Variants in ANKRD65 observed in about 807,000 individuals in gnomAD.
ANKRD65 encodes ankyrin repeat domain 65, also known as ankyrin repeat domain-containing protein 65.
A neutral mutation model predicts 17.2 loss-of-function variants in ANKRD65; 26 were observed. The ratio of observed to expected loss-of-function variants is 1.51; its 90% CI spans 1.11 to 2.09. The LOEUF is 2.09. ANKRD65 is among the 30% of genes most tolerant of loss of function. The probability of loss-of-function intolerance (pLI) is 0.00; values close to 1 mark genes in which losing one functional copy is unlikely to be tolerated. For synonymous variants in ANKRD65, 311 were observed against 272.2 expected (o/e 1.14, Z -1.40); for missense variants, 621 against 542.2 (o/e 1.15, Z -1.44).
Position 1,420,262 on chromosome 1 carries a change from C to T in ANKRD65, c.540G>A (p.Ala180=). ...GCCCGCCCGCGGCCGCCCAGTGCGC[C>T]GCCGTCCAGCCGCGCGCGTCCTCCG... The part of the protein sequence containing the change: ...AEAEDARGWT[A]AHWAAAGGRL... Residue 180 remains alanine, a synonymous_variant, in exon 3 of 4, where the codon GCG becomes GCA. Coordinates refer to ENST00000537107, the MANE Select transcript of ANKRD65 (RefSeq NM_001145210.3). 8 of 1,001,528 alleles carry T rather than the reference C, an allele frequency of 8.0e-6. No individual in the cohort carries two copies. Among genetic ancestry groups the T allele is most frequent in the Non-Finnish European group, 9.5e-6 (8 of 842,842 alleles). The allele number at this position is 1,001,528 out of a possible 1,614,324, so 62.0% of individuals were successfully genotyped here. A position where few individuals can be genotyped will look rare whatever the true frequency, so the allele number is the denominator to read the frequency against.
Position 1,420,417 on chromosome 1 carries a change from G to T in ANKRD65, c.385C>A (p.Arg129Ser). 2 of 1,326,662 alleles carry T rather than the reference G, an allele frequency of 1.5e-6. No homozygotes were observed. Among genetic ancestry groups the T allele is most frequent in the Non-Finnish European group, 1.9e-6 (2 of 1,036,054 alleles). 82.2% of individuals were successfully genotyped at this position (1,326,662 alleles called of 1,614,324 possible). A position where few individuals can be genotyped will look rare whatever the true frequency, so the allele number is the denominator to read the frequency against. The change falls in exon 3 of 4, where the codon CGC becomes AGC. Residue 129 changes from arginine (R) to serine (S), a missense_variant. Physicochemically the swap from Arg to Ser is moderately radical, Grantham distance 110. Coordinates refer to ENST00000537107, the MANE Select transcript of ANKRD65 (RefSeq NM_001145210.3). The stretch of plus-strand genomic sequence containing the variant: ...GAGCGAGCCGCCGCCGAGGCCCCGC[G>T]CTGCAGCAGCAGCTCGGCCACCCGC... ...HSRVAELLLQRGASAAARSGT... is the reference protein window; with the variant it reads ...HSRVAELLLQSGASAAARSGT...
chr1:1,421,010 G>A lies in ANKRD65; in HGVS notation c.1-5C>T. ...CTCAGGCCTCTGGGAGTCCATCTGGGGGGGAGCAGGGATCCTACATCCACT... is the reference window on the plus strand; with the variant it reads ...CTCAGGCCTCTGGGAGTCCATCTGGAGGGGAGCAGGGATCCTACATCCACT... On this transcript the variant is annotated splice_polypyrimidine_tract_variant and splice_region_variant and intron_variant, in intron 1 of 3. Coordinates refer to ENST00000537107, the MANE Select transcript of ANKRD65 (RefSeq NM_001145210.3). 3 of 1,550,236 alleles carry A rather than the reference G, an allele frequency of 1.9e-6. No homozygotes were observed. Among genetic ancestry groups the A allele is most frequent in the African/African-American group, 1.4e-5 (1 of 73,176 alleles).
intron 3 of ANKRD65, among the ~76,000 whole-genome samples, chr1:1,419,757 G>A (rs1327035530): frequency 6.6e-6 from 1 of 152,180 alleles, no homozygotes; most frequent in Admixed American, 6.5e-5. Flanking sequence ...GCAAATCCAA[G>A]GATCTGCAGC....
Position 1,421,039 on chromosome 1 carries a change from G to A in ANKRD65, c.1-34C>T. The stretch of plus-strand genomic sequence containing the variant: ...GAGCAGGGATCCTACATCCACTGTG[G>A]AGGCCTCTGGCCTGCCCCCAGCCGT... On this transcript the variant is annotated intron_variant, in intron 1 of 3. Transcript: ENST00000537107. 1.9e-6 allele frequency: 3 copies of A among 1,544,774 alleles called. No homozygotes were observed. In the East Asian group the frequency reaches 7.3e-5, roughly 38 times the overall value.
chr1:1,418,923 G>A lies in ANKRD65; in HGVS notation c.*177C>T. On this transcript the variant is annotated 3_prime_UTR_variant, in exon 4 of 4. Coordinates refer to ENST00000537107, the MANE Select transcript of ANKRD65 (RefSeq NM_001145210.3). Reference sequence around the variant, plus strand: ...GCAGGGTCAGTGGGCCCTCCTGGGAGCTGGGGGCCATCCCTGGTCCAGCCA... The same window carrying A: ...GCAGGGTCAGTGGGCCCTCCTGGGAACTGGGGGCCATCCCTGGTCCAGCCA... The A allele has an allele frequency of 1.5e-6, 1 of 672,296 alleles. No individual in the cohort carries two copies. Among genetic ancestry groups the A allele is most frequent in the Admixed American group, 3.1e-5 (1 of 32,138 alleles). 41.6% of individuals were successfully genotyped at this position (672,296 alleles called of 1,614,324 possible). A position where few individuals can be genotyped will look rare whatever the true frequency, so the allele number is the denominator to read the frequency against.
At position 1,420,956 on chromosome 1, in the gene ANKRD65, T is replaced by TC. The variant is rs1362019653; in HGVS notation, c.49dup (p.Glu17GlyfsTer21). 6.4e-7 allele frequency: 1 copy of TC among 1,550,704 alleles called. No individual in the cohort carries two copies. The highest frequency in any genetic ancestry group is 2.0e-5 in the Admixed American group (1 of 51,000). On this transcript the variant is annotated frameshift_variant, in exon 2 of 4. Coordinates refer to ENST00000537107, the MANE Select transcript of ANKRD65 (RefSeq NM_001145210.3). LOFTEE classifies it high-confidence loss of function. Reference sequence around the variant, plus strand: ...GGAGTCCAGCTCCATCCACCGCAGTTCCTGTTCCTCCTCCTCCTCCTCTCT... The same window carrying TC: ...GGAGTCCAGCTCCATCCACCGCAGTTCCCTGTTCCTCCTCCTCCTCCTCTCT...
chr1:1,420,669 G>A lies in ANKRD65; in HGVS notation c.210-77C>T, dbSNP rs1164125630. ...CCGCCCTGCCCCACCCCGTCCTGCC[G>A]CCCACCCAGCGCTGGGACCCCCGTC... On this transcript the variant is annotated intron_variant, in intron 2 of 3. Coordinates refer to ENST00000537107, the MANE Select transcript of ANKRD65 (RefSeq NM_001145210.3). 3.0e-5 allele frequency: 18 copies of A among 600,862 alleles called. No homozygotes were observed. The African/African-American group carries it at 3.4e-4, about 11-fold the overall frequency. 37.2% of individuals were successfully genotyped at this position (600,862 alleles called of 1,614,324 possible).
Position 1,420,220 on chromosome 1 carries a change from C to T in ANKRD65, c.582G>A (p.Glu194=), listed in dbSNP as rs1373438527. The T allele has an allele frequency of 1.7e-4, 169 of 992,262 alleles. No homozygotes were observed. The highest frequency in any genetic ancestry group is 2.0e-4 in the Non-Finnish European group (165 of 836,340). 61.5% of individuals were successfully genotyped at this position (992,262 alleles called of 1,614,324 possible). A position where few individuals can be genotyped will look rare whatever the true frequency, so the allele number is the denominator to read the frequency against. ...AAAGGRLAVL[E]LLAAGGAGLD... ...GGCCCGCGCCGCCGGCCGCCAGCAG[C>T]TCCAGCACCGCCAGCCGCCCGCCCG... is the stretch of plus-strand genomic sequence containing the variant. The change falls in exon 3 of 4, where the codon GAG becomes GAA. Residue 194 remains glutamate (E), a synonymous_variant. Transcript: ENST00000537107.
rs1158312957 is a variant in ANKRD65, at chr1:1,420,305, C to G, written c.497G>C (p.Gly166Ala). 1.9e-6 allele frequency: 2 copies of G among 1,069,598 alleles called. No homozygotes were observed. The highest frequency in any genetic ancestry group is 7.1e-5 in the East Asian group (1 of 14,138). 66.3% of individuals were successfully genotyped at this position (1,069,598 alleles called of 1,614,324 possible). The stretch of plus-strand genomic sequence containing the variant: ...GTCCTCCGCCTCCGCTGCCGCGGGT[C>G]CCGGGCCCGGAGCCTCCAGCAGGCG... ...AARLLEAPGP[G>A]PAAAEAEDAR... Residue 166 changes from glycine (G) to alanine (A), a missense_variant, in exon 3 of 4, where the codon GGA (glycine) becomes GCA (alanine). Gly to Ala is a moderately conservative substitution (Grantham distance 60). Transcript: ENST00000537107.
chr1:1,420,664 C>G, intron 2 of ANKRD65, 72 bp from the exon 3 acceptor site: 2 of 1,401,422 alleles, frequency 1.4e-6, no homozygotes, highest in South Asian at 1.6e-5. Context: ...CCACCCCGTC[C>G]TGCCGCCCAC....
At chr1:1,419,570 A>G (rs1645507504) in intron 3 of ANKRD65, 21 bp from the exon 4 acceptor site, 2 of 1,504,224 alleles carry the variant, frequency 1.3e-6, no homozygotes, top group Non-Finnish European at 1.8e-6. Flanking sequence ...AGAGAAAAGC[A>G]GGGGCCGGCC....
Position 1,420,246 on chromosome 1 carries a change from C to T in ANKRD65, c.556G>A (p.Ala186Thr). The change falls in exon 3 of 4, where the codon GCG becomes ACG. Residue 186 changes from alanine (A) to threonine (T), a missense_variant. Ala to Thr is a moderately conservative substitution (Grantham distance 58, BLOSUM62 0). Transcript: ENST00000537107. ...TCCAGCACCGCCAGCCGCCCGCCCG[C>T]GGCCGCCCAGTGCGCCGCCGTCCAG... ...RGWTAAHWAA[A>T]GGRLAVLELL... 1.0e-6 allele frequency: 1 copy of T among 992,134 alleles called. No individual in the cohort carries two copies. The highest frequency in any genetic ancestry group is 1.2e-6 in the Non-Finnish European group (1 of 836,316). 61.5% of individuals were successfully genotyped at this position (992,134 alleles called of 1,614,324 possible).
chr1:1,419,997 G>A, intron 3 of ANKRD65, 55 bp downstream of exon 3: 1 of 1,233,292 alleles, frequency 8.1e-7, no homozygotes, highest in Non-Finnish European at 1.0e-6. Context: ...CACGTCTCTG[G>A]GGATCCTGGC....
In ANKRD65 at chr1:1,420,465, C is replaced by G. The variant is rs1417360466; in HGVS notation, c.337G>C (p.Glu113Gln). 1.1e-5 allele frequency: 14 copies of G among 1,283,824 alleles called. No homozygotes were observed. Among genetic ancestry groups the G allele is most frequent in the Non-Finnish European group, 1.4e-5 (14 of 1,021,832 alleles). The allele number at this position is 1,283,824 out of a possible 1,614,324, so 79.5% of individuals were successfully genotyped here. ...VDRAGRTALH[E>Q]AAWHGHSRVA... is the part of the protein sequence containing the mutation. Reference sequence around the variant, plus strand: ...CGCGAGTGTCCGTGCCAGGCGGCCTCGTGCAGCGCGGTGCGCCCCGCCCGG... The same window carrying G: ...CGCGAGTGTCCGTGCCAGGCGGCCTGGTGCAGCGCGGTGCGCCCCGCCCGG... Residue 113 changes from glutamate to glutamine, a missense_variant, in exon 3 of 4, where the codon GAG becomes CAG. Coordinates refer to ENST00000537107, the MANE Select transcript of ANKRD65 (RefSeq NM_001145210.3).
chr1:1,420,515 C>A lies in ANKRD65; in HGVS notation c.287G>T (p.Arg96Leu). The stretch of plus-strand genomic sequence containing the variant: ...GTCCACCGCGCCCACCGGGGCCCCT[C>A]GCTGCAGCAGGAGACGCACCAGGGG... ...HAPLVRLLLQRGAPVGAVDRA... is the reference protein window; with the variant it reads ...HAPLVRLLLQLGAPVGAVDRA... Residue 96 changes from arginine (R) to leucine (L), a missense_variant, in exon 3 of 4, where the codon CGA (arginine) becomes CTA (leucine). Arg to Leu is a moderately radical substitution (Grantham distance 102). Coordinates refer to ENST00000537107, the MANE Select transcript of ANKRD65 (RefSeq NM_001145210.3). 1 of 1,277,180 alleles carries A rather than the reference C, an allele frequency of 7.8e-7. No homozygotes were observed. Among genetic ancestry groups the A allele is most frequent in the Non-Finnish European group, 9.8e-7 (1 of 1,018,432 alleles). The allele number at this position is 1,277,180 out of a possible 1,614,324, so 79.1% of individuals were successfully genotyped here. A position where few individuals can be genotyped will look rare whatever the true frequency, so the allele number is the denominator to read the frequency against.
rs969200963 is a variant in ANKRD65 at position 1,420,638 on chromosome 1, A to G, written c.210-46T>C. On this transcript the variant is annotated intron_variant, in intron 2 of 3. Coordinates refer to ENST00000537107, the MANE Select transcript of ANKRD65 (RefSeq NM_001145210.3). ...TCGGCGCGGGGGTGGACCACTGACCAGAACCCCGCCCTGCCCCACCCCGTC... is the reference window on the plus strand; with the variant it reads ...TCGGCGCGGGGGTGGACCACTGACCGGAACCCCGCCCTGCCCCACCCCGTC... 5 of 1,381,820 alleles carry G rather than the reference A, an allele frequency of 3.6e-6. No homozygotes were observed. In the African/African-American group the frequency reaches 7.3e-5, roughly 20 times the overall value. 85.6% of individuals were successfully genotyped at this position (1,381,820 alleles called of 1,614,324 possible). A position where few individuals can be genotyped will look rare whatever the true frequency, so the allele number is the denominator to read the frequency against.
rs552630536 is a variant in ANKRD65, at chr1:1,419,376, G to A, written c.924C>T (p.His308=). The part of the protein sequence containing the change: ...RDTLGLTPLH[H]ASREGHVEVA... ...CCTCCACGTGGCCTTCCCGAGAGGCGTGATGCAGGGGTGTGAGGCCCAGGG... is the reference window on the plus strand; with the variant it reads ...CCTCCACGTGGCCTTCCCGAGAGGCATGATGCAGGGGTGTGAGGCCCAGGG... Residue 308 remains histidine (H), a synonymous_variant, in exon 4 of 4, where the codon CAC becomes CAT. Coordinates refer to ENST00000537107, the MANE Select transcript of ANKRD65 (RefSeq NM_001145210.3). The A allele has an allele frequency of 1.5e-3, 2,327 of 1,550,152 alleles. 7 individuals carry two copies. The highest frequency in any genetic ancestry group is 1.6e-3 in the Non-Finnish European group (1,845 of 1,146,838).
chr1:1,420,143 C>A lies in ANKRD65; in HGVS notation c.659G>T (p.Arg220Leu). The change falls in exon 3 of 4, where the codon CGC (arginine) becomes CTC (leucine). Residue 220 changes from arginine (R) to leucine (L), a missense_variant. Arg to Leu is a moderately radical substitution (Grantham distance 102). Coordinates refer to ENST00000537107, the MANE Select transcript of ANKRD65 (RefSeq NM_001145210.3). The part of the protein sequence containing the change: ...AAAAGRGAAL[R>L]FLLARGARVD... ...CCGCGCCCCGCGCGCCAGGAGGAAG[C>A]GCAGCGCCGCCCCGCGCCCCGCAGC... is the stretch of plus-strand genomic sequence containing the variant. 1.6e-6 allele frequency: 2 copies of A among 1,213,002 alleles called. No individual in the cohort carries two copies. Among genetic ancestry groups the A allele is most frequent in the Non-Finnish European group, 2.1e-6 (2 of 975,342 alleles). 75.1% of individuals were successfully genotyped at this position (1,213,002 alleles called of 1,614,324 possible). A position where few individuals can be genotyped will look rare whatever the true frequency, so the allele number is the denominator to read the frequency against.
rs1022226206 is a variant in ANKRD65 at position 1,419,921 on chromosome 1, G to A, written c.750+131C>T. ...GGGGCTACACCGGAGGGGCACAGCC[G>A]GGGGCGCGCTCAGGGCCTTCGTGCC... On this transcript the variant is annotated intron_variant, in intron 3 of 3. Coordinates refer to ENST00000537107, the MANE Select transcript of ANKRD65 (RefSeq NM_001145210.3). The A allele has an allele frequency of 2.3e-5, 24 of 1,038,606 alleles. No homozygotes were observed. The East Asian group carries it at 6.2e-4, about 27-fold the overall frequency. 64.3% of individuals were successfully genotyped at this position (1,038,606 alleles called of 1,614,324 possible).
Sources: allele counts gnomAD v4.1 joint callset (sites outside exome capture counted in the v4.1 genomes callset), GRCh38; gene constraint gnomAD v4.1.1; transcripts MANE v1.5; gene names NCBI Gene and HGNC (gene_info 2026-07-23, HGNC 2026-07-21).